Variants in AK5 observed in about 807,000 individuals in gnomAD.
AK5 encodes the protein adenylate kinase 5, also known as adenylate kinase isoenzyme 5.
AK5 carries 27 observed loss-of-function variants against 69.5 expected under a neutral mutation model. The ratio of observed to expected loss-of-function variants is 0.39; its 90% CI spans 0.29 to 0.54. AK5 has a LOEUF of 0.54. Among genes scored for constraint, AK5 ranks in the 20% least tolerant of loss-of-function variants. The pLI is 0.71. For missense variants in AK5, 531 were observed against 700.4 expected (o/e 0.76, Z 2.73); for synonymous variants, 260 against 244.4 (o/e 1.06, Z -0.60).
At chr1:77,423,709 T>A (rs1397724687) in intron 8 of AK5, among the ~76,000 whole-genome samples, 1 of 151,890 alleles carries the variant, frequency 6.6e-6, no homozygotes, top group East Asian at 1.9e-4. Flanking sequence ...GAGTTAAAAA[T>A]CCCAGAGAGA....
chr1:77,402,863 A>G (rs1204771590), intron 6 of AK5, among the ~76,000 whole-genome samples: 1 of 152,206 alleles, frequency 6.6e-6, no homozygotes, highest in Non-Finnish European at 1.5e-5. Context: ...TCCCTGAGGA[A>G]TCGCCACACT....
chr1:77,355,653 A>T (rs1288122397), intron 6 of AK5, among the ~76,000 whole-genome samples: 3 of 152,030 alleles, frequency 2.0e-5, no homozygotes, highest in Non-Finnish European at 4.4e-5. Flanking sequence ...CAATTATGTT[A>T]TTTTATAATT....
chr1:77,325,444 C>G (rs1660752836), intron 5 of AK5, among the ~76,000 whole-genome samples: 1 of 152,146 alleles, frequency 6.6e-6, no homozygotes, highest in African/African-American at 2.4e-5. Flanking sequence ...AGGACACAAC[C>G]TTGGATGTAA....
intron 12 of AK5, among the ~76,000 whole-genome samples, chr1:77,528,014 G>A (rs1471246428): frequency 6.6e-6 from 1 of 152,138 alleles, no homozygotes; most frequent in Non-Finnish European, 1.5e-5. Flanking sequence ...AGCCAAGATC[G>A]CACCACTGCA....
At chr1:77,383,112 T>C (rs1459910974) in intron 6 of AK5, among the ~76,000 whole-genome samples, 1 of 152,268 alleles carries the variant, frequency 6.6e-6, no homozygotes, top group East Asian at 1.9e-4. Flanking sequence ...TCATAATGAG[T>C]ATTTGAATAG....
chr1:77,425,196 A>T (rs1294254682), intron 8 of AK5, among the ~76,000 whole-genome samples: 1 of 152,228 alleles, frequency 6.6e-6, no homozygotes, highest in Non-Finnish European at 1.5e-5. Flanking sequence ...AATGAAGGAG[A>T]AATAGAGACT....
chr1:77,470,776 A>G (rs1361995319), intron 8 of AK5, among the ~76,000 whole-genome samples: 1 of 147,364 alleles, frequency 6.8e-6, no homozygotes, highest in Non-Finnish European at 1.5e-5. Context: ...CCCAGTCCCC[A>G]TAATTTGTCT....
At chr1:77,518,339 G>T (rs1657784509) in intron 10 of AK5, among the ~76,000 whole-genome samples, 1 of 152,124 alleles carries the variant, frequency 6.6e-6, no homozygotes, top group Admixed American at 6.5e-5. Context: ...TGTAACACCT[G>T]CCCCCTCCCG....
intron 13 of AK5, among the ~76,000 whole-genome samples, chr1:77,543,639 A>G (rs963013002): frequency 6.6e-6 from 1 of 151,770 alleles, no homozygotes; most frequent in Non-Finnish European, 1.5e-5. Context: ...CCCAAGTAAT[A>G]CTCCCACTTC....
chr1:77,482,694 C>T (rs1302081944), intron 8 of AK5, among the ~76,000 whole-genome samples: 1 of 151,568 alleles, frequency 6.6e-6, no homozygotes, highest in Non-Finnish European at 1.5e-5. Context: ...TTGTTTGAAC[C>T]CGGGAGGTGG....
intron 5 of AK5, among the ~76,000 whole-genome samples, chr1:77,310,475 G>A (rs1381529886): frequency 6.6e-6 from 1 of 151,998 alleles, no homozygotes; most frequent in East Asian, 1.9e-4. Flanking sequence ...CGCCTTCCGG[G>A]TTCACGCCAC....
intron 5 of AK5, among the ~76,000 whole-genome samples, chr1:77,320,193 C>A (rs531103044): frequency 1.3e-5 from 2 of 152,236 alleles, no homozygotes; most frequent in African/African-American, 4.8e-5. Context: ...AACTCAGTAT[C>A]ATGAGAACAG....
At chr1:77,378,799 T>TA (rs1647418575) in intron 6 of AK5, among the ~76,000 whole-genome samples, 1 of 152,176 alleles carries the variant, frequency 6.6e-6, no homozygotes, top group South Asian at 2.1e-4. Context: ...TTGATGCAAT[T>TA]AAAATGTCAG....
At chr1:77,548,159 C>A (rs901015731) in intron 13 of AK5, among the ~76,000 whole-genome samples, 3 of 152,130 alleles carry the variant, frequency 2.0e-5, no homozygotes, top group Admixed American at 6.6e-5. Flanking sequence ...TATGGGAAGT[C>A]CTATTTATAG....
chr1:77,325,846 G>A (rs1021153218), intron 5 of AK5, among the ~76,000 whole-genome samples: 1 of 151,640 alleles, frequency 6.6e-6, no homozygotes, highest in Non-Finnish European at 1.5e-5. Context: ...TGCATTTCCA[G>A]GTGGTTTTAG....
intron 1 of AK5, chr1:77,283,117 C>A: frequency 1.0e-6 from 1 of 985,884 alleles, no homozygotes; most frequent in Non-Finnish European, 1.2e-6. Context: ...GCATCATCTG[C>A]ACCGGGACCC....
At chr1:77,440,502 G>A (rs551159407) in intron 8 of AK5, among the ~76,000 whole-genome samples, 1 of 152,166 alleles carries the variant, frequency 6.6e-6, no homozygotes, top group South Asian at 2.1e-4. Context: ...TCCTGGATTT[G>A]AATGTCCATA....
At position 77,335,536 on chromosome 1, in the gene AK5, C is replaced by T. The variant is rs528135445; in HGVS notation, c.700-4841C>T. 3.3e-5 allele frequency among the ~76,000 whole-genome samples: 5 copies of T among 152,186 alleles called. No individual in the cohort carries two copies. In the South Asian group the frequency reaches 8.3e-4, roughly 25 times the overall value. ...CATTTCACAGTGAATTTCTTAAAAA[C>T]TTTCTGGGGTCTTCACATCTTTTAA... is the stretch of plus-strand genomic sequence containing the variant. On this transcript the variant is annotated intron_variant, in intron 5 of 13. Coordinates refer to ENST00000354567, the MANE Select transcript of AK5 (RefSeq NM_174858.3).
chr1:77,351,927 C>CTTTTTT (rs10658959), intron 6 of AK5, among the ~76,000 whole-genome samples: 11 of 138,170 alleles, frequency 8.0e-5, no homozygotes, highest in African/African-American at 8.1e-5. Context: ...GCAAGTAATT[C>CTTTTTT]TTTTTTTTTT....
Sources: gnomAD v4.1 joint callset for allele counts (sites outside exome capture counted in the v4.1 genomes callset) on GRCh38, gnomAD v4.1.1 for gene constraint, MANE v1.5 for transcripts, NCBI Gene and HGNC (gene_info 2026-07-23, HGNC 2026-07-21) for gene names.